The following PRKCE variants were observed in gnomAD, a reference collection of about 807,000 sequenced individuals.
PRKCE encodes the protein protein kinase C epsilon type.
Under a neutral mutation model 85.4 loss-of-function variants are expected in PRKCE, and 16 were observed. That is an observed-to-expected ratio of 0.19 (90% CI 0.13 to 0.28). The LOEUF (loss-of-function observed/expected upper bound fraction) is 0.28. Ranked by LOEUF, PRKCE falls within the 10% of genes least tolerant of loss-of-function variation. The probability of loss-of-function intolerance (pLI) is 1.00; values close to 1 mark genes in which losing one functional copy is unlikely to be tolerated. For synonymous variants in PRKCE, 388 were observed against 371.5 expected (o/e 1.04, Z -0.51); for missense variants, 573 against 975.2 (o/e 0.59, Z 5.49).
intron 2 of PRKCE, among the ~76,000 whole-genome samples, chr2:45,931,088 A>G (rs139301892): frequency 1.3e-5 from 2 of 152,356 alleles, no homozygotes; most frequent in Admixed American, 1.3e-4. Flanking sequence ...ACAACATTAC[A>G]TGACTTGCCC....
chr2:45,970,015 A>G (rs1314230937), intron 2 of PRKCE, among the ~76,000 whole-genome samples: 3 of 152,210 alleles, frequency 2.0e-5, no homozygotes, highest in Non-Finnish European at 2.9e-5. Context: ...AAACATCTAT[A>G]AGGATATAGC....
At chr2:45,726,115 A>C (rs969037806) in intron 1 of PRKCE, among the ~76,000 whole-genome samples, 1 of 152,194 alleles carries the variant, frequency 6.6e-6, no homozygotes, top group Non-Finnish European at 1.5e-5. Context: ...AAAACAAAGA[A>C]AGTGGTTTCT....
intron 1 of PRKCE, among the ~76,000 whole-genome samples, chr2:45,824,392 A>G (rs1689777547): frequency 6.6e-6 from 1 of 152,170 alleles, no homozygotes; most frequent in Non-Finnish European, 1.5e-5. Context: ...TGCTATATCC[A>G]CACAGGAGGA....
At chr2:46,085,621 C>T (rs1669531150) in intron 10 of PRKCE, among the ~76,000 whole-genome samples, 1 of 147,402 alleles carries the variant, frequency 6.8e-6, no homozygotes. Flanking sequence ...TGACTCAGGT[C>T]TTCCTCTACC....
intron 2 of PRKCE, among the ~76,000 whole-genome samples, chr2:45,948,770 G>T (rs540886868): frequency 2.2e-4 from 33 of 152,214 alleles, no homozygotes; most frequent in African/African-American, 7.9e-4. Flanking sequence ...TTGGTGTTTA[G>T]CTCATTCATA....
intron 2 of PRKCE, among the ~76,000 whole-genome samples, chr2:45,861,204 A>T (rs1323631445): frequency 6.6e-6 from 1 of 152,032 alleles, no homozygotes; most frequent in Admixed American, 6.5e-5. Flanking sequence ...GGCTGGTATT[A>T]GGGGTAGGGG....
intron 13 of PRKCE, among the ~76,000 whole-genome samples, chr2:46,156,881 T>C (rs1468567812): frequency 6.6e-6 from 1 of 152,246 alleles, no homozygotes; most frequent in African/African-American, 2.4e-5. Context: ...CCACACACTC[T>C]CTACTTATGT....
intron 10 of PRKCE, among the ~76,000 whole-genome samples, chr2:46,014,800 T>C (rs1168942418): frequency 6.6e-6 from 1 of 152,224 alleles, no homozygotes; most frequent in Non-Finnish European, 1.5e-5. Context: ...GAACCTACCC[T>C]GGACCTGGAA....
chr2:45,811,963 T>A (rs1003124890), intron 1 of PRKCE, among the ~76,000 whole-genome samples: 1 of 152,244 alleles, frequency 6.6e-6, no homozygotes, highest in Admixed American at 6.5e-5. Context: ...AATCCATTCA[T>A]TCATTCTTGC....
intron 14 of PRKCE, among the ~76,000 whole-genome samples, chr2:46,175,107 A>G (rs1679299269): frequency 6.6e-6 from 1 of 152,182 alleles, no homozygotes. Context: ...CAGAAAGTTT[A>G]AAGATGTCCC....
At chr2:46,125,165 G>C (rs1274335153) in intron 11 of PRKCE, among the ~76,000 whole-genome samples, 1 of 152,130 alleles carries the variant, frequency 6.6e-6, no homozygotes, top group Non-Finnish European at 1.5e-5. Flanking sequence ...CTAAATATTA[G>C]TAGAGAAGTC....
In PRKCE at chr2:45,652,030, G is replaced by C. The variant is rs924195512; in HGVS notation, c.-71G>C. ...AAGAGTCCCTGTGGCTCGGAGTGCC[G>C]GGCCGTCGGTTCTTCATTCCTGCCC... On this transcript the variant is annotated 5_prime_UTR_variant, in exon 1 of 15. Transcript: ENST00000306156. This position sits in a 1 kb window ranked among gnomAD's most constrained non-coding sequence, Gnocchi z 7.7. 2 of 1,240,090 alleles carry C rather than the reference G, an allele frequency of 1.6e-6. No homozygotes were observed. The highest frequency in any genetic ancestry group is 2.3e-6 in the Non-Finnish European group (2 of 886,902). 76.8% of individuals were successfully genotyped at this position (1,240,090 alleles called of 1,614,324 possible). A position where few individuals can be genotyped will look rare whatever the true frequency, so the allele number is the denominator to read the frequency against.
rs182974281 is a variant in PRKCE, at chr2:46,022,268, C to T, written c.1437+11751C>T. The stretch of plus-strand genomic sequence containing the variant: ...CATAATAAAAGATGTGGGGAGGACA[C>T]AGAGAGGGGAGTTTCAACTACATGA... On this transcript the variant is annotated intron_variant, in intron 10 of 14. Coordinates refer to ENST00000306156, the MANE Select transcript of PRKCE (RefSeq NM_005400.3). 3.4e-4 allele frequency among the ~76,000 whole-genome samples: 52 copies of T among 152,272 alleles called. 2 individuals are homozygous for T. In the East Asian group the frequency reaches 6.4e-3, roughly 19 times the overall value.
At chr2:46,143,125 G>A (rs1466521310) in intron 11 of PRKCE, among the ~76,000 whole-genome samples, 3 of 152,146 alleles carry the variant, frequency 2.0e-5, no homozygotes, top group Admixed American at 6.5e-5. Context: ...ACGTATTTCT[G>A]TAAGGGTAGT....
At chr2:45,981,158 A>G (rs535244262) in intron 5 of PRKCE, among the ~76,000 whole-genome samples, 3 of 152,238 alleles carry the variant, frequency 2.0e-5, no homozygotes, top group Non-Finnish European at 4.4e-5. Context: ...CACCTAACTG[A>G]GCAATTACGA....
At chr2:45,800,541 C>G (rs1244936511) in intron 1 of PRKCE, among the ~76,000 whole-genome samples, 1 of 152,202 alleles carries the variant, frequency 6.6e-6, no homozygotes, top group Non-Finnish European at 1.5e-5. Context: ...CCTGTCTAGA[C>G]TGGGGTTTGA....
intron 1 of PRKCE, among the ~76,000 whole-genome samples, chr2:45,820,354 G>C (rs1364538286): frequency 2.0e-5 from 3 of 152,082 alleles, no homozygotes; most frequent in African/African-American, 7.2e-5. Context: ...AGGATCGAGA[G>C]GGTAATAGAT....
chr2:46,103,924 C>T (rs942929154), intron 11 of PRKCE, among the ~76,000 whole-genome samples: 2 of 152,092 alleles, frequency 1.3e-5, no homozygotes, highest in Non-Finnish European at 1.5e-5. Flanking sequence ...GAGAGACTGG[C>T]ATACTTGGTG....
intron 14 of PRKCE, among the ~76,000 whole-genome samples, chr2:46,181,113 A>T (rs2594490): frequency 0.59 from 90,261 of 152,058 alleles, 28,268 homozygotes; most frequent in African/African-American, 0.81. Context: ...AGTCGAGTCC[A>T]GTGCCTGCTC....
Sources: allele counts gnomAD v4.1 joint callset (sites outside exome capture counted in the v4.1 genomes callset), GRCh38; gene constraint gnomAD v4.1.1; non-coding constraint Gnocchi (gnomAD v3.1); transcripts MANE v1.5; gene names NCBI Gene and HGNC (gene_info 2026-07-23, HGNC 2026-07-21).